The following SERBP1 variants were observed in gnomAD, a reference collection of about 807,000 sequenced individuals.
The protein encoded by SERBP1 is SERPINE1 mRNA-binding protein 1.
SERBP1 carries 6 observed loss-of-function variants against 50.2 expected under a neutral mutation model. The observed-to-expected ratio is 0.12, with a 90% CI of 0.07 to 0.24. SERBP1 has a LOEUF of 0.24. SERBP1 is among the 10% of genes least tolerant of loss of function. SERBP1 has a pLI of 1.00. For synonymous variants in SERBP1, 168 were observed against 182.8 expected, an observed-to-expected ratio of 0.92 and a Z score of 0.65; for missense variants, 346 against 524.9, an observed-to-expected ratio of 0.66 and a Z score of 3.33.
chr1:67,419,951 A>G lies in SERBP1; in HGVS notation c.951+58T>C, dbSNP rs181649514. ...CATGTGAAATTTTAAAACAAAAATT[A>G]TAAATACAATTCAAGTCACATCTGA... On this transcript the variant is annotated intron_variant, in intron 6 of 7. Coordinates refer to ENST00000361219, the MANE Select transcript of SERBP1 (RefSeq NM_001018069.2). 8.7e-4 allele frequency: 1,286 copies of G among 1,482,802 alleles called. 7 individuals carry two copies. In the African/African-American group the frequency reaches 0.016, roughly 18 times the overall value. 91.9% of individuals were successfully genotyped at this position (1,482,802 alleles called of 1,614,324 possible). A position where few individuals can be genotyped will look rare whatever the true frequency, so the allele number is the denominator to read the frequency against.
chr1:67,415,905 T>C (rs571807142), intron 6 of SERBP1, among the ~76,000 whole-genome samples: 1 of 152,234 alleles, frequency 6.6e-6, no homozygotes, highest in African/African-American at 2.4e-5. Context: ...TCTACACAAA[T>C]TGGAGAGCTA....
intron 5 of SERBP1, 95 bp downstream of exon 5, chr1:67,424,105 A>G: frequency 7.7e-7 from 1 of 1,292,310 alleles, no homozygotes; most frequent in Non-Finnish European, 1.0e-6. Context: ...ACAAAAAGCC[A>G]TCAAGTAACA....
In SERBP1 at chr1:67,411,493, A is replaced by G. The variant is rs1310055263; in HGVS notation, c.*1714T>C. 6.6e-6 allele frequency: 1 copy of G among 152,192 alleles called. No homozygotes were observed. Among genetic ancestry groups the G allele is most frequent in the Non-Finnish European group, 1.5e-5 (1 of 68,010 alleles). 9.4% of individuals were successfully genotyped at this position (152,192 alleles called of 1,614,324 possible). A position where few individuals can be genotyped will look rare whatever the true frequency, so the allele number is the denominator to read the frequency against. On this transcript the variant is annotated 3_prime_UTR_variant, in exon 8 of 8. Coordinates refer to ENST00000361219, the MANE Select transcript of SERBP1 (RefSeq NM_001018069.2). The stretch of plus-strand genomic sequence containing the variant: ...CGTATGTGTGTAAATATAAAATTAT[A>G]TTAGACATTAGCACCAGTGCAGAAC...
chr1:67,416,891 C>G (rs1667028474), intron 6 of SERBP1, among the ~76,000 whole-genome samples: 1 of 152,180 alleles, frequency 6.6e-6, no homozygotes, highest in Non-Finnish European at 1.5e-5. Flanking sequence ...TTTGCTATTT[C>G]AAACCAATGC....
rs765613536 is a variant in SERBP1 at position 67,410,443 on chromosome 1, TACTAC to T, written c.*2759_*2763del. 1.3e-5 allele frequency: 2 copies of T among 152,196 alleles called. No individual in the cohort carries two copies. Among genetic ancestry groups the T allele is most frequent in the Non-Finnish European group, 2.9e-5 (2 of 68,024 alleles). 9.4% of individuals were successfully genotyped at this position (152,196 alleles called of 1,614,324 possible). ...TATTTACAACCCTGGAAATGATGTGTACTACTTTTATTTAAAAAAATAAGAGTAAA... is the reference window on the plus strand; with the variant it reads ...TATTTACAACCCTGGAAATGATGTGTTTTTATTTAAAAAAATAAGAGTAAA... On this transcript the variant is annotated 3_prime_UTR_variant, in exon 8 of 8. Transcript: ENST00000361219.
At chr1:67,418,959 T>C (rs1160211447) in intron 6 of SERBP1, among the ~76,000 whole-genome samples, 1 of 152,142 alleles carries the variant, frequency 6.6e-6, no homozygotes, top group Non-Finnish European at 1.5e-5. Context: ...AGAAATAATA[T>C]AGTTAGGGCT....
In SERBP1 at chr1:67,408,384, C is replaced by T. The variant is rs949192039; in HGVS notation, c.*4823G>A. On this transcript the variant is annotated 3_prime_UTR_variant, in exon 8 of 8. Transcript: ENST00000361219. ...ACTCCCAAATGGGCAGCAAAAGGAA[C>T]AAACATTACTGATTTAAAACAGTAT... 11 of 152,136 alleles carry T rather than the reference C, an allele frequency of 7.2e-5. No individual in the cohort carries two copies. The highest frequency in any genetic ancestry group is 2.7e-4 in the African/African-American group (11 of 41,432). The allele number at this position is 152,136 out of a possible 1,614,324, so 9.4% of individuals were successfully genotyped here. A position where few individuals can be genotyped will look rare whatever the true frequency, so the allele number is the denominator to read the frequency against.
intron 7 of SERBP1, 39 bp from the exon 8 acceptor site, chr1:67,413,302 TC>T: frequency 6.6e-7 from 1 of 1,512,674 alleles, no homozygotes; most frequent in Non-Finnish European, 8.9e-7. Context: ...AGTTCTCAGT[TC>T]TTCAAAATTA....
chr1:67,421,928 T>C (rs1267441569), intron 5 of SERBP1, among the ~76,000 whole-genome samples: 1 of 152,098 alleles, frequency 6.6e-6, no homozygotes, highest in East Asian at 1.9e-4. Context: ...GACAGGAGAC[T>C]GTGTCTCAAA....
At position 67,425,346 on chromosome 1, in the gene SERBP1, A is replaced by C. The variant is rs57690154; in HGVS notation, c.465-123T>G. The C allele has an allele frequency of 0.1, 89,244 of 876,426 alleles. 5,298 individuals carry two copies. The highest frequency in any genetic ancestry group is 0.15 in the Middle Eastern group (436 of 2,944). 54.3% of individuals were successfully genotyped at this position (876,426 alleles called of 1,614,324 possible). On this transcript the variant is annotated intron_variant, in intron 2 of 7. Coordinates refer to ENST00000361219, the MANE Select transcript of SERBP1 (RefSeq NM_001018069.2). The stretch of plus-strand genomic sequence containing the variant: ...CAAAAACCAATAGTTAAATACATAC[A>C]CTTCAGAAAATTCAAAATAGTCTGT...
rs1459011996 is a variant in SERBP1 at position 67,408,563 on chromosome 1, T to C, written c.*4644A>G. On this transcript the variant is annotated 3_prime_UTR_variant, in exon 8 of 8. Coordinates refer to ENST00000361219, the MANE Select transcript of SERBP1 (RefSeq NM_001018069.2). Reference sequence around the variant, plus strand: ...CTAAATTCTGTCCAAATGGGAATTCTAAGCTCAAAAAAAAAAAAAAAAAGA... The same window carrying C: ...CTAAATTCTGTCCAAATGGGAATTCCAAGCTCAAAAAAAAAAAAAAAAAGA... 1 of 104,192 alleles carries C rather than the reference T, an allele frequency of 9.6e-6. No individual in the cohort carries two copies. The highest frequency in any genetic ancestry group is 1.1e-4 in the Admixed American group (1 of 9,480). The allele number at this position is 104,192 out of a possible 1,614,324, so 6.5% of individuals were successfully genotyped here.
rs779041332 is a variant in SERBP1 at position 67,409,386 on chromosome 1, G to GACACGGACAC, written c.*3820_*3821insGTGTCCGTGT. 6 of 114,176 alleles carry GACACGGACAC rather than the reference G, an allele frequency of 5.3e-5. No individual in the cohort carries two copies. The highest frequency in any genetic ancestry group is 2.1e-4 in the African/African-American group (6 of 29,150). 7.1% of individuals were successfully genotyped at this position (114,176 alleles called of 1,614,324 possible). Reference sequence around the variant, plus strand: ...AAACCATTCTTAACTCAGGGACACGGACACACACACACACACACACACACA... The same window carrying GACACGGACAC: ...AAACCATTCTTAACTCAGGGACACGGACACGGACACACACACACACACACACACACACACA... On this transcript the variant is annotated 3_prime_UTR_variant, in exon 8 of 8. Transcript: ENST00000361219.
chr1:67,414,380 T>C (rs1357565027), intron 7 of SERBP1, among the ~76,000 whole-genome samples: 3 of 151,882 alleles, frequency 2.0e-5, no homozygotes, highest in African/African-American at 7.3e-5. Context: ...AAAAAAAGGT[T>C]GGTCTTAGAG....
Position 67,411,801 on chromosome 1 carries a change from T to A in SERBP1, c.*1406A>T, listed in dbSNP as rs190465041. ...TGACGTGACAAACAATTCTTAAAAA[T>A]TTTTTAAAAATTCCTTCACTGTTTA... On this transcript the variant is annotated 3_prime_UTR_variant, in exon 8 of 8. Transcript: ENST00000361219. 2.0e-5 allele frequency: 3 copies of A among 152,294 alleles called. No individual in the cohort carries two copies. Among genetic ancestry groups the A allele is most frequent in the Non-Finnish European group, 2.9e-5 (2 of 68,004 alleles). 9.4% of individuals were successfully genotyped at this position (152,294 alleles called of 1,614,324 possible).
At chr1:67,418,724 A>G (rs1667108979) in intron 6 of SERBP1, among the ~76,000 whole-genome samples, 2 of 152,026 alleles carry the variant, frequency 1.3e-5, no homozygotes, top group South Asian at 4.2e-4. Flanking sequence ...GTGCCACTGC[A>G]TTCCAGCCTG....
chr1:67,418,316 TAAAA>T (rs1201706153), intron 6 of SERBP1, among the ~76,000 whole-genome samples: 1 of 151,962 alleles, frequency 6.6e-6, no homozygotes, highest in Admixed American at 6.6e-5. Context: ...CTACAGGACT[TAAAA>T]AAGACAATGT....
At chr1:67,415,107 G>C in intron 7 of SERBP1, 59 bp downstream of exon 7, 1 of 1,482,990 alleles carries the variant, frequency 6.7e-7, no homozygotes, top group Non-Finnish European at 9.0e-7. Context: ...GTCTGACCCA[G>C]CCAGTGACTT....
intron 4 of SERBP1, 176 bp from the exon 5 acceptor site, chr1:67,424,453 T>C: frequency 1.3e-6 from 1 of 743,036 alleles, no homozygotes; most frequent in Non-Finnish European, 2.1e-6. Flanking sequence ...CCAGAAGACG[T>C]CGAAAAGTAA....
At chr1:67,421,645 T>C (rs1425802676) in intron 5 of SERBP1, among the ~76,000 whole-genome samples, 3 of 152,210 alleles carry the variant, frequency 2.0e-5, no homozygotes, top group African/African-American at 7.2e-5. Context: ...ACTGAGTGAT[T>C]GAACATGGGC....
Sources: allele counts gnomAD v4.1 joint callset (sites outside exome capture counted in the v4.1 genomes callset), GRCh38; gene constraint gnomAD v4.1.1; transcripts MANE v1.5; gene names NCBI Gene and HGNC (gene_info 2026-07-23, HGNC 2026-07-21).